ANKH: variants seen among roughly 807,000 people sequenced by gnomAD.
ANKH encodes the protein mineralization regulator ANKH.
In ANKH, 15 loss-of-function variants were observed where a neutral mutation model predicts 49.0. The ratio of observed to expected loss-of-function variants is 0.31; its 90% CI spans 0.20 to 0.47. The LOEUF (loss-of-function observed/expected upper bound fraction) is 0.47. ANKH is among the 20% of genes least tolerant of loss of function. The probability of loss-of-function intolerance (pLI) is 1.00; values close to 1 mark genes in which losing one functional copy is unlikely to be tolerated. For synonymous variants in ANKH, 273 were observed against 260.0 expected, an observed-to-expected ratio of 1.05 and a Z score of -0.48; for missense variants, 429 against 652.0, an observed-to-expected ratio of 0.66 and a Z score of 3.72.
intron 1 of ANKH, among the ~76,000 whole-genome samples, chr5:14,784,765 A>G (rs1739920833): frequency 2.0e-5 from 3 of 152,160 alleles, no homozygotes; most frequent in Admixed American, 2.0e-4. Flanking sequence ...GCTTCCAAGG[A>G]GCTCCCCAAA....
Position 14,713,811 on chromosome 5 carries a change from C to T in ANKH, c.1142-144G>A, listed in dbSNP as rs1737335282. On this transcript the variant is annotated intron_variant, in intron 9 of 11. Transcript: ENST00000284268. The surrounding 1 kb of genome is among the most constrained non-coding windows in gnomAD (Gnocchi z 4.4). ...GTTGAGCCGCTGGCCACCTCATCTT[C>T]CTGCCAGGGTTCCCCATCCCTGCTC... 8.2e-7 allele frequency: 1 copy of T among 1,212,788 alleles called. No individual in the cohort carries two copies. Among genetic ancestry groups the T allele is most frequent in the African/African-American group, 1.5e-5 (1 of 67,160 alleles). The allele number at this position is 1,212,788 out of a possible 1,614,324, so 75.1% of individuals were successfully genotyped here. A position where few individuals can be genotyped will look rare whatever the true frequency, so the allele number is the denominator to read the frequency against.
At chr5:14,793,068 T>TATATATATAAATATATATA (rs199717342) in intron 1 of ANKH, among the ~76,000 whole-genome samples, 1 of 91,870 alleles carries the variant, frequency 1.1e-5, no homozygotes, top group Non-Finnish European at 2.0e-5. Context: ...AAAATATATA[T>TATATATATAAATATATATA]AAATATATAA....
intron 11 of ANKH, among the ~76,000 whole-genome samples, chr5:14,711,917 G>A (rs1311276428): frequency 6.6e-6 from 1 of 152,168 alleles, no homozygotes; most frequent in East Asian, 1.9e-4. Context: ...ACACCAACAG[G>A]CCAAGGCAAG....
chr5:14,733,457 C>A (rs570490627), intron 8 of ANKH, among the ~76,000 whole-genome samples: 4 of 152,296 alleles, frequency 2.6e-5, no homozygotes, highest in African/African-American at 7.2e-5. Flanking sequence ...CAGGAGACAC[C>A]CAGGCCTGGG....
intron 1 of ANKH, chr5:14,797,358 C>G (rs1376275170): frequency 1.2e-6 from 2 of 1,610,332 alleles, no homozygotes; most frequent in Non-Finnish European, 1.7e-6. Context: ...TCCAATTTTA[C>G]TTAAATCCTA....
chr5:14,821,250 T>C (rs1177322578), intron 1 of ANKH, among the ~76,000 whole-genome samples: 1 of 152,160 alleles, frequency 6.6e-6, no homozygotes, highest in East Asian at 1.9e-4. Context: ...TTGAGGGTAA[T>C]AATCTAGCAA....
intron 2 of ANKH, among the ~76,000 whole-genome samples, chr5:14,759,824 G>C (rs1293143854): frequency 2.4e-5 from 3 of 125,604 alleles, no homozygotes; most frequent in Non-Finnish European, 5.1e-5. Context: ...GGAAAAAAAG[G>C]AAAGGAAAGG....
chr5:14,867,427 A>G (rs893724847), intron 1 of ANKH, among the ~76,000 whole-genome samples: 1 of 152,222 alleles, frequency 6.6e-6, no homozygotes, highest in African/African-American at 2.4e-5. Flanking sequence ...AATACTTTTG[A>G]TTCTCAATCT....
rs544287806 is a variant in ANKH, at chr5:14,749,362, A to C, written c.688-56T>G. ...TGAACTCTAGAAGCAGAATGGAAAAAACGATTCAGAATCAAAGCTTTTCCT... is the reference window on the plus strand; with the variant it reads ...TGAACTCTAGAAGCAGAATGGAAAACACGATTCAGAATCAAAGCTTTTCCT... On this transcript the variant is annotated intron_variant, in intron 5 of 11. Coordinates refer to ENST00000284268, the MANE Select transcript of ANKH (RefSeq NM_054027.6). 3.1e-6 allele frequency: 5 copies of C among 1,589,682 alleles called. No individual in the cohort carries two copies. The South Asian group carries it at 4.4e-5, about 14-fold the overall frequency.
intron 2 of ANKH, among the ~76,000 whole-genome samples, chr5:14,764,915 G>A (rs1349820552): frequency 6.6e-6 from 1 of 152,208 alleles, no homozygotes; most frequent in African/African-American, 2.4e-5. Flanking sequence ...TTACTGTCAA[G>A]AATAAACGTG....
intron 8 of ANKH, among the ~76,000 whole-genome samples, chr5:14,722,005 T>C (rs116693869): frequency 0.011 from 1,601 of 151,794 alleles, 36 homozygotes; most frequent in African/African-American, 0.037. Context: ...AGGTGAGGTT[T>C]CCCTAGCTTC....
At chr5:14,717,589 C>T (rs1486291038) in intron 8 of ANKH, among the ~76,000 whole-genome samples, 2 of 152,222 alleles carry the variant, frequency 1.3e-5, no homozygotes, top group Non-Finnish European at 2.9e-5. Context: ...AGCAATCCAT[C>T]CACAGCTCCC....
intron 1 of ANKH, among the ~76,000 whole-genome samples, chr5:14,769,818 A>G (rs1739379359): frequency 6.6e-6 from 1 of 152,228 alleles, no homozygotes; most frequent in Admixed American, 6.5e-5. Flanking sequence ...AGCTCTACAC[A>G]GACAAATATG....
Position 14,741,468 on chromosome 5 carries a change from G to A in ANKH, c.1011+359C>T, listed in dbSNP as rs562241975. The A allele has an allele frequency of 7.2e-4, 187 of 259,506 alleles. 1 individual carries two copies. The highest frequency in any genetic ancestry group is 1.2e-3 in the Non-Finnish European group (161 of 131,780). The allele number at this position is 259,506 out of a possible 1,614,324, so 16.1% of individuals were successfully genotyped here. A position where few individuals can be genotyped will look rare whatever the true frequency, so the allele number is the denominator to read the frequency against. ...TTACTGGGGAACACTGAAGTAACGC[G>A]GATTAAATTTGGAAAAGAGACAGGG... On this transcript the variant is annotated intron_variant, in intron 8 of 11. Transcript: ENST00000284268.
intron 1 of ANKH, among the ~76,000 whole-genome samples, chr5:14,774,625 C>T (rs1289168789): frequency 2.0e-5 from 3 of 152,056 alleles, no homozygotes; most frequent in African/African-American, 7.2e-5. Flanking sequence ...ACTATACGTC[C>T]TTCAGTCACC....
intron 1 of ANKH, among the ~76,000 whole-genome samples, chr5:14,794,086 C>T (rs755307824): frequency 6.6e-6 from 1 of 152,188 alleles, no homozygotes; most frequent in Non-Finnish European, 1.5e-5. Flanking sequence ...CCTCGTAGGA[C>T]GTAGACAGAG....
rs187775239 is a variant in ANKH at position 14,722,087 on chromosome 5, C to T, written c.1012-5252G>A. 3.1e-3 allele frequency among the ~76,000 whole-genome samples: 467 copies of T among 152,160 alleles called. 2 individuals carry two copies. Among genetic ancestry groups the T allele is most frequent in the African/African-American group, 0.011 (440 of 41,492 alleles). Reference sequence around the variant, plus strand: ...AACAAGTCCATTTGAAAAAACAGGACGCTTTAGAAGTTCCCTTGACAAAGA... The same window carrying T: ...AACAAGTCCATTTGAAAAAACAGGATGCTTTAGAAGTTCCCTTGACAAAGA... On this transcript the variant is annotated intron_variant, in intron 8 of 11. Transcript: ENST00000284268.
intron 5 of ANKH, among the ~76,000 whole-genome samples, chr5:14,750,314 A>G (rs1169286901): frequency 6.6e-6 from 1 of 152,240 alleles, no homozygotes; most frequent in Non-Finnish European, 1.5e-5. Flanking sequence ...TACAACAAAC[A>G]GAATGCTTTG....
At chr5:14,842,924 A>T (rs1014998836) in intron 1 of ANKH, among the ~76,000 whole-genome samples, 4 of 152,142 alleles carry the variant, frequency 2.6e-5, no homozygotes, top group African/African-American at 9.7e-5. Flanking sequence ...TAGAGAGAAG[A>T]TCTGTTCTAT....
Sources: allele counts gnomAD v4.1 joint callset (sites outside exome capture counted in the v4.1 genomes callset), GRCh38; gene constraint gnomAD v4.1.1; non-coding constraint Gnocchi (gnomAD v3.1); transcripts MANE v1.5; gene names NCBI Gene and HGNC (gene_info 2026-07-23, HGNC 2026-07-21).